COL22A1: variants seen among roughly 807,000 people sequenced by gnomAD.
The protein encoded by COL22A1 is collagen type XXII alpha 1 chain.
COL22A1 carries 221 observed loss-of-function variants against 248.9 expected under a neutral mutation model. The ratio of observed to expected loss-of-function variants is 0.89; its 90% CI spans 0.80 to 0.99. The LOEUF is 0.99. Among genes scored for constraint, COL22A1 ranks in the 50% least tolerant of loss-of-function variants. The pLI, the probability that COL22A1 is intolerant of heterozygous loss-of-function variation, is 0.00. For missense variants in COL22A1, 2,240 were observed against 2,179.0 expected (o/e 1.03, Z -0.56); for synonymous variants, 891 against 793.4 (o/e 1.12, Z -2.07).
At chr8:138,662,694 T>C (rs896600844) in intron 42 of COL22A1, among the ~76,000 whole-genome samples, 10 of 152,128 alleles carry the variant, frequency 6.6e-5, no homozygotes, top group African/African-American at 2.4e-4. Flanking sequence ...GAGCTGACCC[T>C]GCATCTCCTG....
chr8:138,597,867 C>A (rs568117720), intron 61 of COL22A1, among the ~76,000 whole-genome samples: 1 of 152,210 alleles, frequency 6.6e-6, no homozygotes, highest in East Asian at 1.9e-4. Context: ...AGCCTCTCCA[C>A]TGACTTGGCC....
Position 138,877,658 on chromosome 8 carries a change from G to A in COL22A1, c.658+92C>T, listed in dbSNP as rs375285644. 7.9e-4 allele frequency: 1,032 copies of A among 1,312,008 alleles called. 15 individuals are homozygous for A. In the East Asian group the frequency reaches 0.024, roughly 31 times the overall value. 81.3% of individuals were successfully genotyped at this position (1,312,008 alleles called of 1,614,324 possible). On this transcript the variant is annotated intron_variant, in intron 3 of 64. Transcript: ENST00000303045. ...TTCCCCCGCCTTCCTGGAGCCGGCCGTAGGATCCCTATCTGCCCGAGGACC... is the reference window on the plus strand; with the variant it reads ...TTCCCCCGCCTTCCTGGAGCCGGCCATAGGATCCCTATCTGCCCGAGGACC...
At chr8:138,904,464 C>T (rs1277662749) in intron 1 of COL22A1, among the ~76,000 whole-genome samples, 1 of 152,146 alleles carries the variant, frequency 6.6e-6, no homozygotes, top group African/African-American at 2.4e-5. Context: ...CAGCCCTTCT[C>T]AGTCTCCCCT....
At chr8:138,896,716 T>C (rs1425596841) in intron 1 of COL22A1, among the ~76,000 whole-genome samples, 1 of 152,170 alleles carries the variant, frequency 6.6e-6, no homozygotes, top group Non-Finnish European at 1.5e-5. Flanking sequence ...CTTATGCTTG[T>C]AATCCCAACA....
chr8:138,599,177 C>T (rs1014147979), intron 60 of COL22A1, among the ~76,000 whole-genome samples: 2 of 152,212 alleles, frequency 1.3e-5, no homozygotes, highest in South Asian at 2.1e-4. Context: ...CCTGTCTCTA[C>T]TAAAAATACA....
intron 12 of COL22A1, among the ~76,000 whole-genome samples, chr8:138,791,344 G>C (rs1052721741): frequency 6.6e-6 from 1 of 152,148 alleles, no homozygotes; most frequent in South Asian, 2.1e-4. Context: ...ACAAATACTG[G>C]GGAAGGGTCC....
At chr8:138,830,597 G>A (rs949489318) in intron 5 of COL22A1, among the ~76,000 whole-genome samples, 4 of 152,192 alleles carry the variant, frequency 2.6e-5, no homozygotes, top group Admixed American at 6.5e-5. Context: ...ATCCGTGACC[G>A]GAATCGGGGT....
chr8:138,862,468 G>A (rs1032160804), intron 3 of COL22A1, among the ~76,000 whole-genome samples: 4 of 152,070 alleles, frequency 2.6e-5, no homozygotes, highest in African/African-American at 7.2e-5. Flanking sequence ...CACCCGGAGT[G>A]CCCTTTGCCT....
chr8:138,763,881 A>C (rs1015921858), intron 16 of COL22A1, among the ~76,000 whole-genome samples: 1 of 151,858 alleles, frequency 6.6e-6, no homozygotes, highest in South Asian at 2.1e-4. Context: ...ATTTTCATCT[A>C]TTATCCCTGT....
At chr8:138,745,886 T>C (rs1258102668) in intron 22 of COL22A1, among the ~76,000 whole-genome samples, 1 of 152,186 alleles carries the variant, frequency 6.6e-6, no homozygotes. Context: ...TGCTCCCTGA[T>C]CAACCTCCTT....
rs943920522 is a variant in COL22A1, at chr8:138,834,937, C to T, written c.734-1787G>A. ...GGAGAACTGGAACTTGTGGGGACCC[C>T]AGAAATAAGAAAATGCACAGTGCAA... On this transcript the variant is annotated intron_variant, in intron 4 of 64. Transcript: ENST00000303045. 2.0e-5 allele frequency among the ~76,000 whole-genome samples: 3 copies of T among 152,110 alleles called. No homozygotes were observed. The East Asian group carries it at 5.8e-4, about 29-fold the overall frequency.
chr8:138,600,413 C>T (rs1817904458), intron 60 of COL22A1, among the ~76,000 whole-genome samples: 1 of 146,982 alleles, frequency 6.8e-6, no homozygotes, highest in African/African-American at 2.7e-5. Flanking sequence ...CCGTCTCTAA[C>T]ATACGCACTT....
chr8:138,594,877 A>C (rs932460712), intron 62 of COL22A1, among the ~76,000 whole-genome samples: 2 of 152,132 alleles, frequency 1.3e-5, no homozygotes, highest in Non-Finnish European at 2.9e-5. Context: ...TCTATAAGCT[A>C]AAGGGCTGGA....
At chr8:138,809,412 G>A (rs899623464) in intron 9 of COL22A1, among the ~76,000 whole-genome samples, 2 of 152,178 alleles carry the variant, frequency 1.3e-5, no homozygotes, top group African/African-American at 4.8e-5. Flanking sequence ...ATGAAGGAGT[G>A]ATTAAGTCAT....
At chr8:138,868,648 G>A (rs1458469588) in intron 3 of COL22A1, among the ~76,000 whole-genome samples, 3 of 151,996 alleles carry the variant, frequency 2.0e-5, no homozygotes, top group East Asian at 1.9e-4. Flanking sequence ...CACACTCAGG[G>A]CCATCACTGT....
chr8:138,621,886 T>A (rs1320111799), intron 52 of COL22A1, among the ~76,000 whole-genome samples: 1 of 152,214 alleles, frequency 6.6e-6, no homozygotes, highest in Non-Finnish European at 1.5e-5. Context: ...CATTTGCCCA[T>A]CATGGGCAGC....
intron 2 of COL22A1, among the ~76,000 whole-genome samples, chr8:138,879,313 C>T (rs1823994691): frequency 6.6e-6 from 1 of 152,170 alleles, no homozygotes; most frequent in African/African-American, 2.4e-5. Flanking sequence ...TTTAACTACT[C>T]AGCCCTTTAA....
At chr8:138,819,960 T>C (rs1173811707) in intron 7 of COL22A1, among the ~76,000 whole-genome samples, 2 of 152,074 alleles carry the variant, frequency 1.3e-5, no homozygotes, top group Non-Finnish European at 2.9e-5. Context: ...GTAAAGTGCA[T>C]GGAGATGTAC....
intron 15 of COL22A1, among the ~76,000 whole-genome samples, chr8:138,776,246 G>T (rs1293789698): frequency 2.0e-5 from 3 of 152,160 alleles, no homozygotes. Context: ...TCCTGGGCTT[G>T]TCCCTTGGCT....
Sources: gnomAD v4.1 joint callset for allele counts (sites outside exome capture counted in the v4.1 genomes callset) on GRCh38, gnomAD v4.1.1 for gene constraint, MANE v1.5 for transcripts, NCBI Gene and HGNC (gene_info 2026-07-23, HGNC 2026-07-21) for gene names.